The following NREP variants were observed in gnomAD, a reference collection of about 807,000 sequenced individuals.
The protein encoded by NREP is neuronal regeneration-related protein.
In NREP, 5 loss-of-function variants were observed where a neutral mutation model predicts 8.6. The ratio of observed to expected loss-of-function variants is 0.58; its 90% confidence interval spans 0.30 to 1.22. The LOEUF (loss-of-function observed/expected upper bound fraction) is 1.22. NREP is among the 50% of genes most tolerant of loss of function. NREP has a pLI of 0.07. For missense variants in NREP, 86 were observed against 82.5 expected (o/e 1.04, Z -0.17); for synonymous variants, 27 against 28.0 (o/e 0.96, Z 0.11).
chr5:111,849,932 A>G (rs1241674905), intron 2 of NREP, among the ~76,000 whole-genome samples: 6 of 152,152 alleles, frequency 3.9e-5, no homozygotes, highest in Admixed American at 3.9e-4. Flanking sequence ...CCCAGTGCCA[A>G]GGAAGCAGAG....
intron 2 of NREP, among the ~76,000 whole-genome samples, chr5:111,798,833 G>C (rs1220586136): frequency 6.6e-6 from 1 of 151,360 alleles, no homozygotes; most frequent in South Asian, 2.1e-4. Flanking sequence ...TGATCGATGG[G>C]CATTTAAGCT....
chr5:111,828,511 A>AAAACAATGTTTACCTGC, intron 2 of NREP, among the ~76,000 whole-genome samples: 1 of 152,278 alleles, frequency 6.6e-6, no homozygotes, highest in African/African-American at 2.4e-5. Context: ...TTAATTCCCT[A>AAAACAATGTTTACCTGC]AAACAATGTT....
In NREP at chr5:111,886,716, G is replaced by T. The variant is rs550524547; in HGVS notation, c.135+88558C>A. 5.4e-3 allele frequency among the ~76,000 whole-genome samples: 815 copies of T among 150,236 alleles called. 12 individuals carry two copies. The highest frequency in any genetic ancestry group is 0.018 in the African/African-American group (742 of 40,842). ...AAATCATCATTCTCAGTAAACTATC[G>T]CAAGAACAAAAAACCAAACACCGCA... is the stretch of plus-strand genomic sequence containing the variant. On this transcript the variant is annotated intron_variant, in intron 2 of 3. Transcript: ENST00000395634.
chr5:111,854,426 A>C (rs902000652), intron 2 of NREP, among the ~76,000 whole-genome samples: 2 of 152,204 alleles, frequency 1.3e-5, no homozygotes, highest in Non-Finnish European at 2.9e-5. Context: ...GAGCACTCCC[A>C]GGGTGCCAGA....
intron 2 of NREP, among the ~76,000 whole-genome samples, chr5:111,871,053 C>CGTGTGTGTGTGTGTGTGTGT (rs34667486): frequency 8.4e-5 from 12 of 142,610 alleles, no homozygotes; most frequent in East Asian, 8.3e-4. Flanking sequence ...GAACCAATGG[C>CGTGTGTGTGTGTGTGTGTGT]GTGTGTGTGT....
intron 2 of NREP, among the ~76,000 whole-genome samples, chr5:111,764,820 G>A (rs955351218): frequency 6.6e-6 from 1 of 152,108 alleles, no homozygotes; most frequent in African/African-American, 2.4e-5. Flanking sequence ...ATGGTCCTCT[G>A]GAATTCATAG....
intron 2 of NREP, among the ~76,000 whole-genome samples, chr5:111,895,298 G>T (rs1035016953): frequency 7.9e-5 from 12 of 152,162 alleles, no homozygotes; most frequent in African/African-American, 2.9e-4. Flanking sequence ...ACGGGGAAGG[G>T]ACAGACAAAA....
intron 2 of NREP, among the ~76,000 whole-genome samples, chr5:111,882,112 AACCAAT>A (rs889165396): frequency 6.6e-6 from 1 of 152,226 alleles, no homozygotes; most frequent in Non-Finnish European, 1.5e-5. Flanking sequence ...TAATTAGAAT[AACCAAT>A]ACAGAAAAGT....
At chr5:111,862,816 A>T (rs1753580263) in intron 2 of NREP, among the ~76,000 whole-genome samples, 1 of 151,694 alleles carries the variant, frequency 6.6e-6, no homozygotes. Context: ...AGTATAGCAG[A>T]AGAAAAAGTC....
chr5:111,852,418 T>A (rs1011469764), intron 2 of NREP, among the ~76,000 whole-genome samples: 4 of 152,196 alleles, frequency 2.6e-5, no homozygotes, highest in Admixed American at 1.3e-4. Flanking sequence ...TCTCAAATAC[T>A]GGCACAGCCT....
Position 111,902,628 on chromosome 5 carries a change from T to C in NREP, c.135+72646A>G, listed in dbSNP as rs534122571. ...GGGAATGCTGGAGGCATTTTCCTTGTTGACTTTCTGGAGGAGCAGTGAACG... is the reference window on the plus strand; with the variant it reads ...GGGAATGCTGGAGGCATTTTCCTTGCTGACTTTCTGGAGGAGCAGTGAACG... On this transcript the variant is annotated intron_variant, in intron 2 of 3. Transcript: ENST00000395634. Among the ~76,000 whole-genome samples, 5 of 152,282 alleles carry C rather than the reference T, an allele frequency of 3.3e-5. No individual in the cohort carries two copies. In the South Asian group the frequency reaches 1.0e-3, roughly 32 times the overall value.
chr5:111,734,502 G>A (rs1581030272), intron 3 of NREP: 1 of 410,978 alleles, frequency 2.4e-6, no homozygotes, highest in East Asian at 3.7e-5. Context: ...TGCTCTGCAA[G>A]ATTAAAAGTG....
chr5:111,773,633 G>A (rs1038686896), intron 2 of NREP, among the ~76,000 whole-genome samples: 5 of 152,014 alleles, frequency 3.3e-5, no homozygotes, highest in Non-Finnish European at 7.4e-5. Flanking sequence ...AAATTTTCAC[G>A]CAAAAATGTC....
chr5:111,846,420 C>CTTTTTTTTTTTTTCTTTTT (rs1753170190), intron 2 of NREP: 1 of 44,414 alleles, frequency 2.3e-5, no homozygotes, highest in Admixed American at 2.9e-4. Flanking sequence ...TTTTTGTTTG[C>CTTTTTTTTTTTTTCTTTTT]TTTTTTTTTT....
At chr5:111,828,140 T>C (rs559546898) in intron 2 of NREP, among the ~76,000 whole-genome samples, 1 of 152,084 alleles carries the variant, frequency 6.6e-6, no homozygotes, top group East Asian at 1.9e-4. Flanking sequence ...AAGCGATTCT[T>C]CTGCCTCAGC....
At chr5:111,758,193 G>A (rs915656379), upstream of NREP, 33 of 985,452 alleles carry the variant, frequency 3.3e-5, no homozygotes, top group Non-Finnish European at 2.5e-5. Flanking sequence ...CTGAAGGCCG[G>A]GCCCAGAGGT....
intron 2 of NREP, among the ~76,000 whole-genome samples, chr5:111,908,592 C>G (rs1219912422): frequency 6.6e-6 from 1 of 152,022 alleles, no homozygotes; most frequent in Non-Finnish European, 1.5e-5. Flanking sequence ...CATGTTGCTG[C>G]AAAGCACATA....
intron 2 of NREP, among the ~76,000 whole-genome samples, chr5:111,915,116 T>C (rs1469459699): frequency 6.6e-6 from 1 of 152,114 alleles, no homozygotes; most frequent in East Asian, 1.9e-4. Context: ...CAGGGACTTT[T>C]ATTTCTAAGA....
chr5:111,830,253 G>A (rs1046114837), intron 2 of NREP, among the ~76,000 whole-genome samples: 1 of 152,164 alleles, frequency 6.6e-6, no homozygotes, highest in Non-Finnish European at 1.5e-5. Context: ...CTAAAGATCG[G>A]ACACTCCTGT....
Sources: gnomAD v4.1 joint callset for allele counts (sites outside exome capture counted in the v4.1 genomes callset) on GRCh38, gnomAD v4.1.1 for gene constraint, MANE v1.5 for transcripts, NCBI Gene and HGNC (gene_info 2026-07-23, HGNC 2026-07-21) for gene names.